Variants in EYS observed in about 807,000 individuals in gnomAD.
EYS encodes EGF-like photoreceptor maintenance factor.
A neutral mutation model predicts 282.1 loss-of-function variants in EYS; 250 were observed. That is an observed-to-expected ratio of 0.89 (90% CI 0.80 to 0.98). EYS has a LOEUF of 0.98. Ranked by LOEUF, EYS falls within the 50% of genes least tolerant of loss-of-function variation. EYS has a pLI of 0.00. For missense variants in EYS, 4,016 were observed against 3,709.0 expected (o/e 1.08, Z -2.15); for synonymous variants, 1,355 against 1,282.9 (o/e 1.06, Z -1.20).
At chr6:64,676,768 C>A (rs934122756) in intron 22 of EYS, among the ~76,000 whole-genome samples, 5 of 152,054 alleles carry the variant, frequency 3.3e-5, no homozygotes, top group African/African-American at 1.2e-4. Context: ...TCATAGATGG[C>A]CTTCTTTTCA....
At chr6:64,860,808 T>G (rs994776762) in intron 19 of EYS, among the ~76,000 whole-genome samples, 2 of 152,070 alleles carry the variant, frequency 1.3e-5, no homozygotes, top group African/African-American at 2.4e-5. Flanking sequence ...ATGAGCAAGG[T>G]GAAGAAGAGC....
intron 13 of EYS, among the ~76,000 whole-genome samples, chr6:65,026,483 A>G (rs1772411442): frequency 6.6e-6 from 1 of 152,220 alleles, no homozygotes; most frequent in Non-Finnish European, 1.5e-5. Flanking sequence ...GAAGGCATTT[A>G]TGCACAGATG....
chr6:65,635,802 G>A (rs1199025106), intron 2 of EYS, among the ~76,000 whole-genome samples: 1 of 152,104 alleles, frequency 6.6e-6, no homozygotes, highest in African/African-American at 2.4e-5. Flanking sequence ...CTGACACCTG[G>A]ACCTGATTGC....
chr6:65,087,842 C>T (rs1434671774), intron 12 of EYS, among the ~76,000 whole-genome samples: 1 of 152,186 alleles, frequency 6.6e-6, no homozygotes, highest in African/African-American at 2.4e-5. Flanking sequence ...TGTGTCCCCA[C>T]ACAAATCTCA....
At chr6:64,833,580 T>C (rs1765288170) in intron 19 of EYS, among the ~76,000 whole-genome samples, 2 of 151,898 alleles carry the variant, frequency 1.3e-5, no homozygotes, top group Admixed American at 6.6e-5. Flanking sequence ...ATTTTATTAT[T>C]ACCTCTGAAG....
intron 5 of EYS, among the ~76,000 whole-genome samples, chr6:65,447,608 A>T (rs1768723604): frequency 6.6e-6 from 1 of 151,784 alleles, no homozygotes; most frequent in African/African-American, 2.4e-5. Context: ...CACTTAATGA[A>T]CACATAGATT....
intron 35 of EYS, among the ~76,000 whole-genome samples, chr6:63,904,480 T>C (rs1773729042): frequency 6.6e-6 from 1 of 152,192 alleles, no homozygotes; most frequent in Non-Finnish European, 1.5e-5. Context: ...ACACTCAACC[T>C]GGGAAAGCAG....
intron 33 of EYS, among the ~76,000 whole-genome samples, chr6:64,050,440 A>G (rs1770772584): frequency 6.6e-6 from 1 of 152,204 alleles, no homozygotes; most frequent in Non-Finnish European, 1.5e-5. Context: ...AGGGTCTTAT[A>G]GTACCTGACT....
At chr6:63,855,157 T>C (rs1295589985) in intron 36 of EYS, among the ~76,000 whole-genome samples, 1 of 152,206 alleles carries the variant, frequency 6.6e-6, no homozygotes, top group African/African-American at 2.4e-5. Flanking sequence ...GGCAATAGAG[T>C]ACTGTGTAGT....
chr6:65,546,421 T>C (rs1462373534), intron 2 of EYS, among the ~76,000 whole-genome samples: 1 of 152,042 alleles, frequency 6.6e-6, no homozygotes, highest in Non-Finnish European at 1.5e-5. Context: ...AAATATAAAA[T>C]AAACATATGT....
intron 31 of EYS, among the ~76,000 whole-genome samples, chr6:64,128,691 A>G (rs1397986681): frequency 6.6e-6 from 1 of 152,206 alleles, no homozygotes; most frequent in South Asian, 2.1e-4. Flanking sequence ...TGTATAGCTC[A>G]TTCAGCAATG....
At chr6:65,142,476 C>G (rs1357255784) in intron 12 of EYS, among the ~76,000 whole-genome samples, 1 of 74,722 alleles carries the variant, frequency 1.3e-5, no homozygotes, top group Non-Finnish European at 3.0e-5. Context: ...AATAGAAATA[C>G]AAAACACACA....
At chr6:64,024,776 G>T (rs141518088) in intron 33 of EYS, among the ~76,000 whole-genome samples, 1 of 151,984 alleles carries the variant, frequency 6.6e-6, no homozygotes, top group Non-Finnish European at 1.5e-5. Flanking sequence ...TCACTCCTGC[G>T]CCAGCGAGAT....
intron 5 of EYS, among the ~76,000 whole-genome samples, chr6:65,455,557 G>GA (rs1258422908): frequency 2.6e-5 from 4 of 151,960 alleles, no homozygotes; most frequent in Non-Finnish European, 4.4e-5. Flanking sequence ...AAAATCAGGT[G>GA]AAAAATGCAT....
At chr6:64,832,174 CTT>C (rs1765239880) in intron 19 of EYS, among the ~76,000 whole-genome samples, 1 of 151,892 alleles carries the variant, frequency 6.6e-6, no homozygotes, top group South Asian at 2.1e-4. Flanking sequence ...ATTGTCAAAA[CTT>C]ATAAACTTCA....
intron 28 of EYS, among the ~76,000 whole-genome samples, chr6:64,410,508 G>T (rs1283562532): frequency 6.6e-6 from 1 of 152,078 alleles, no homozygotes. Context: ...CACTGCCATT[G>T]AAAGACAATC....
intron 22 of EYS, among the ~76,000 whole-genome samples, chr6:64,648,957 T>G (rs1460735094): frequency 1.3e-5 from 2 of 152,202 alleles, no homozygotes; most frequent in Admixed American, 1.3e-4. Context: ...TCTGAATGTC[T>G]GCACATTTTC....
At position 65,356,874 on chromosome 6, in the gene EYS, A is replaced by T. The variant is rs1195125944; in HGVS notation, c.1300-3257T>A. Among the ~76,000 whole-genome samples, 3 of 152,114 alleles carry T rather than the reference A, an allele frequency of 2.0e-5. No homozygotes were observed. The East Asian group carries it at 5.8e-4, about 29-fold the overall frequency. On this transcript the variant is annotated intron_variant, in intron 8 of 42. Coordinates refer to ENST00000503581, the MANE Select transcript of EYS (RefSeq NM_001142800.2). ...TCTCTGATTCTGACCTCTCATTTAT[A>T]CCTTGTGTGTTCATGTGAGGATGCT...
intron 31 of EYS, among the ~76,000 whole-genome samples, chr6:64,202,724 AGGC>A (rs1765501819): frequency 6.6e-6 from 1 of 152,184 alleles, no homozygotes; most frequent in Non-Finnish European, 1.5e-5. Flanking sequence ...CCATGAGAGT[AGGC>A]CCTAAGTCCA....
Sources: allele counts gnomAD v4.1 joint callset (sites outside exome capture counted in the v4.1 genomes callset), GRCh38; gene constraint gnomAD v4.1.1; transcripts MANE v1.5; gene names NCBI Gene and HGNC (gene_info 2026-07-23, HGNC 2026-07-21).